The following ADNP variants were observed in gnomAD, a reference collection of about 807,000 sequenced individuals.
ADNP encodes the protein activity-dependent neuroprotector homeobox protein.
A neutral mutation model predicts 84.9 loss-of-function variants in ADNP; 4 were observed. That is an observed-to-expected ratio of 0.05 (90% CI 0.02 to 0.11). ADNP has a LOEUF of 0.11. Among genes scored for constraint, ADNP ranks in the 10% least tolerant of loss-of-function variants. The pLI is 1.00. For missense variants in ADNP, 1,132 were observed against 1,326.0 expected, an observed-to-expected ratio of 0.85 and a Z score of 2.27; for synonymous variants, 554 against 468.1, an observed-to-expected ratio of 1.18 and a Z score of -2.37.
intron 2 of ADNP, among the ~76,000 whole-genome samples, chr20:50,925,398 C>T (rs147491222): frequency 3.5e-4 from 54 of 152,228 alleles, no homozygotes; most frequent in African/African-American, 1.1e-3. Context: ...CTTAAGCTGA[C>T]CCCAAAACTG....
rs371901809 is a variant in ADNP at position 50,891,946 on chromosome 20, G to C, written c.2768C>G (p.Ser923Cys). The stretch of plus-strand genomic sequence containing the variant: ...CTCTTTTTGGTCTAGCTTCTCCTCA[G>C]ATTCTGAAGCATCCTCAGGAATTAC... ...LKVIPEDASE[S>C]EEKLDQKEDG... Residue 923 changes from serine (S) to cysteine (C), a missense_variant, in exon 6 of 6, where the codon TCT (serine) becomes TGT (cysteine). Coordinates refer to ENST00000621696, the MANE Select transcript of ADNP (RefSeq NM_001282531.3). 1 of 1,614,176 alleles carries C rather than the reference G, an allele frequency of 6.2e-7. No homozygotes were observed. The highest frequency in any genetic ancestry group is 8.5e-7 in the Non-Finnish European group (1 of 1,180,028).
chr20:50,929,571 T>C (rs1326845221), intron 1 of ADNP, among the ~76,000 whole-genome samples: 1 of 152,176 alleles, frequency 6.6e-6, no homozygotes, highest in African/African-American at 2.4e-5. Context: ...GTGCAGAGAA[T>C]GCGCCCCCTA....
chr20:50,913,868 C>T, intron 2 of ADNP: 1 of 582,456 alleles, frequency 1.7e-6, no homozygotes, highest in Admixed American at 2.4e-5. Flanking sequence ...ATTGGGCATG[C>T]TCAGCCATAC....
chr20:50,892,042 C>T lies in ADNP; in HGVS notation c.2672G>A (p.Ser891Asn). The T allele has an allele frequency of 6.2e-7, 1 of 1,614,168 alleles. No individual in the cohort carries two copies. The highest frequency in any genetic ancestry group is 8.5e-7 in the Non-Finnish European group (1 of 1,180,032). The part of the protein sequence containing the change: ...NLEEESNESG[S>N]PFDPVFEVEP... ...AACTTCAAAAACAGGGTCAAAAGGGCTACCACTTTCATTGGATTCTTCTTC... is the reference window on the plus strand; with the variant it reads ...AACTTCAAAAACAGGGTCAAAAGGGTTACCACTTTCATTGGATTCTTCTTC... The change falls in exon 6 of 6, where the codon AGC becomes AAC. Residue 891 changes from serine (S) to asparagine (N), a missense_variant. Around this residue, in one of 10 missense-constraint regions of ADNP, gnomAD observed 381 missense variants for 319.9 expected, o/e 1.19. Transcript: ENST00000621696.
intron 2 of ADNP, among the ~76,000 whole-genome samples, chr20:50,906,674 G>A (rs954443376): frequency 5.9e-5 from 9 of 152,214 alleles, no homozygotes. Flanking sequence ...AGCTTAAAAA[G>A]TCGGTTTAAG....
intron 2 of ADNP, among the ~76,000 whole-genome samples, chr20:50,923,903 T>C (rs1351533139): frequency 6.6e-6 from 1 of 152,230 alleles, no homozygotes; most frequent in African/African-American, 2.4e-5. Flanking sequence ...CTCAGCTCAC[T>C]TCTTTCACAA....
chr20:50,912,568 C>T (rs929290252), intron 2 of ADNP, among the ~76,000 whole-genome samples: 1 of 152,158 alleles, frequency 6.6e-6, no homozygotes, highest in African/African-American at 2.4e-5. Flanking sequence ...TCCCTGCCCC[C>T]AAGTACCTCC....
chr20:50,892,210 T>C lies in ADNP; in HGVS notation c.2504A>G (p.Lys835Arg), dbSNP rs773336998. Residue 835 changes from lysine to arginine, a missense_variant, in exon 6 of 6, where the codon AAG (lysine) becomes AGG (arginine). By Grantham distance (26) the Lys-to-Arg change is conservative. Coordinates refer to ENST00000621696, the MANE Select transcript of ADNP (RefSeq NM_001282531.3). ...GFNMKELNKVKHEMDFDAEWL... is the reference protein window; with the variant it reads ...GFNMKELNKVRHEMDFDAEWL... ...CTCAGCATCAAAATCCATCTCATGC[T>C]TGACTTTATTTAATTCTTTCATGTT... 1.4e-5 allele frequency: 22 copies of C among 1,614,096 alleles called. No homozygotes were observed. In the South Asian group the frequency reaches 2.3e-4, roughly 17 times the overall value.
intron 2 of ADNP, among the ~76,000 whole-genome samples, chr20:50,923,432 T>C (rs1984085516): frequency 6.6e-6 from 1 of 152,250 alleles, no homozygotes; most frequent in African/African-American, 2.4e-5. Context: ...AAAAGCGTTC[T>C]TGTACCAGGT....
intron 2 of ADNP, among the ~76,000 whole-genome samples, chr20:50,916,334 C>T (rs971141613): frequency 7.9e-5 from 12 of 152,222 alleles, no homozygotes; most frequent in Non-Finnish European, 1.5e-5. Flanking sequence ...GCAGCTCATT[C>T]CACACTGGAC....
intron 2 of ADNP, among the ~76,000 whole-genome samples, chr20:50,926,677 ATATTT>A (rs1437047217): frequency 6.6e-6 from 1 of 152,188 alleles, no homozygotes; most frequent in African/African-American, 2.4e-5. Context: ...AAACCTACAT[ATATTT>A]TATATGTATG....
intron 2 of ADNP, among the ~76,000 whole-genome samples, chr20:50,927,655 C>A (rs1172860788): frequency 6.6e-6 from 1 of 152,044 alleles, no homozygotes; most frequent in Non-Finnish European, 1.5e-5. Flanking sequence ...CTCAGCCTCC[C>A]AAAGTTTTGG....
chr20:50,900,409 C>T (rs1981852376), intron 5 of ADNP, among the ~76,000 whole-genome samples: 1 of 152,180 alleles, frequency 6.6e-6, no homozygotes, highest in Non-Finnish European at 1.5e-5. Context: ...CCTAACAGGG[C>T]ATTTCTCAGA....
rs1983677655 is a variant in ADNP at position 50,918,425 on chromosome 20, AC to A, written c.-90+10225del. On this transcript the variant is annotated intron_variant, in intron 2 of 5. Transcript: ENST00000621696. ...TACAAATTTCCAGACCATTTTTGAC[AC>A]TATAATCATTTAATATGAGTGGTAA... Among the ~76,000 whole-genome samples the A allele has an allele frequency of 2.0e-5, 3 of 152,214 alleles. No individual in the cohort carries two copies. The South Asian group carries it at 6.2e-4, about 31-fold the overall frequency.
chr20:50,909,205 AAAT>A (rs375280288), intron 2 of ADNP, among the ~76,000 whole-genome samples: 8 of 152,024 alleles, frequency 5.3e-5, no homozygotes, highest in African/African-American at 1.9e-4. Flanking sequence ...TCTCTGCTAA[AAAT>A]ACAAAATTAG....
chr20:50,927,411 G>C (rs1268138822), intron 2 of ADNP, among the ~76,000 whole-genome samples: 3 of 152,084 alleles, frequency 2.0e-5, no homozygotes, highest in Admixed American at 6.5e-5. Flanking sequence ...TTTCAACAAA[G>C]GCCAAGATAA....
intron 2 of ADNP, among the ~76,000 whole-genome samples, chr20:50,923,799 T>G (rs1984113751): frequency 6.6e-6 from 1 of 152,204 alleles, no homozygotes; most frequent in Admixed American, 6.5e-5. Flanking sequence ...ATTACAGATG[T>G]AAGCCACCGC....
chr20:50,906,989 A>G (rs1438587555), intron 2 of ADNP, among the ~76,000 whole-genome samples: 2 of 54,126 alleles, frequency 3.7e-5, no homozygotes, highest in South Asian at 5.0e-4. Flanking sequence ...TTTTTTTTTG[A>G]GACAGTCTCG....
intron 1 of ADNP, among the ~76,000 whole-genome samples, chr20:50,930,332 T>C (rs997330970): frequency 3.3e-5 from 5 of 151,906 alleles, no homozygotes; most frequent in African/African-American, 1.2e-4. Context: ...ACTCACTCCA[T>C]GCCATGCATG....
Sources: gnomAD v4.1 joint callset for allele counts (sites outside exome capture counted in the v4.1 genomes callset) on GRCh38, gnomAD v4.1.1 for gene constraint, gnomAD v4.1.1 regional missense constraint, MANE v1.5 for transcripts, NCBI Gene and HGNC (gene_info 2026-07-23, HGNC 2026-07-21) for gene names.